OGA: variants seen among roughly 807,000 people sequenced by gnomAD.
OGA encodes O-GlcNAcase, also known as protein O-GlcNAcase.
In OGA, 21 loss-of-function variants were observed where a neutral mutation model predicts 102.0. That is an observed-to-expected ratio of 0.21 (90% confidence interval 0.15 to 0.30). The LOEUF (loss-of-function observed/expected upper bound fraction) is 0.30. Among genes scored for constraint, OGA ranks in the 10% least tolerant of loss-of-function variants. The pLI is 1.00. For missense variants in OGA, 765 were observed against 1,107.8 expected (o/e 0.69, Z 4.39); for synonymous variants, 408 against 378.2 (o/e 1.08, Z -0.91).
chr10:101,817,612 G>C (rs1450382854), intron 1 of OGA, among the ~76,000 whole-genome samples: 1 of 152,174 alleles, frequency 6.6e-6, no homozygotes, highest in East Asian at 1.9e-4. Context: ...GGTGGGGTCA[G>C]ACTTGTGAGT....
At position 101,785,823 on chromosome 10, in the gene OGA, C is replaced by T. The variant is rs1282540257; in HGVS notation, c.*628G>A. On this transcript the variant is annotated 3_prime_UTR_variant, in exon 16 of 16. Coordinates refer to ENST00000361464, the MANE Select transcript of OGA (RefSeq NM_012215.5). The stretch of plus-strand genomic sequence containing the variant: ...AAGTTTGTCAATTGTAGGCTTTTGC[C>T]ACAAACAAATGCACATTTGTCCCTA... 3 of 152,252 alleles carry T rather than the reference C, an allele frequency of 2.0e-5. No individual in the cohort carries two copies. The highest frequency in any genetic ancestry group is 7.2e-5 in the African/African-American group (3 of 41,448). The allele number at this position is 152,252 out of a possible 1,614,324, so 9.4% of individuals were successfully genotyped here.
At chr10:101,815,930 G>A (rs904063140) in intron 1 of OGA, among the ~76,000 whole-genome samples, 28 of 135,586 alleles carry the variant, frequency 2.1e-4, no homozygotes, top group African/African-American at 6.7e-4. Context: ...TTCATTTTAC[G>A]GCTGGTGCCA....
At chr10:101,807,613 T>C in intron 5 of OGA, 117 bp downstream of exon 5, 2 of 716,182 alleles carry the variant, frequency 2.8e-6, no homozygotes. Context: ...TAAAAAAAGA[T>C]TCCTACTTTT....
chr10:101,818,310 A>C lies in OGA; in HGVS notation c.-288T>G, dbSNP rs2065670080. 8.3e-7 allele frequency: 1 copy of C among 1,207,896 alleles called. No homozygotes were observed. The highest frequency in any genetic ancestry group is 1.0e-6 in the Non-Finnish European group (1 of 967,624). The allele number at this position is 1,207,896 out of a possible 1,614,324, so 74.8% of individuals were successfully genotyped here. A position where few individuals can be genotyped will look rare whatever the true frequency, so the allele number is the denominator to read the frequency against. On this transcript the variant is annotated 5_prime_UTR_variant, in exon 1 of 16. Coordinates refer to ENST00000361464, the MANE Select transcript of OGA (RefSeq NM_012215.5). ...CTGTGACCTCTCGTTCCCTGGAAGA[A>C]GACGGCCAAGGGTCCTGTCCTCGTT...
intron 10 of OGA, among the ~76,000 whole-genome samples, chr10:101,794,444 G>A (rs1359307783): frequency 3.9e-5 from 6 of 152,172 alleles, no homozygotes. Flanking sequence ...GTACAGGTAA[G>A]GGAAAAGGGC....
chr10:101,799,424 T>A lies in OGA; in HGVS notation c.1227A>T (p.Ala409=), dbSNP rs1478514607. ...SRQVAHSGAK[A]SVVDGTPLVA... ...CTAAAGGAGTCCCATCAACTACACT[T>A]GCTTTAGCTCCACTGTGTGCAACTT... The change falls in exon 9 of 16, where the codon GCA becomes GCT. Residue 409 remains alanine, a synonymous_variant. Transcript: ENST00000361464. The A allele has an allele frequency of 6.2e-7, 1 of 1,613,850 alleles. No individual in the cohort carries two copies. Among genetic ancestry groups the A allele is most frequent in the Admixed American group, 1.7e-5 (1 of 59,980 alleles).
chr10:101,817,795 C>A, intron 1 of OGA, 29 bp downstream of exon 1: 1 of 1,535,074 alleles, frequency 6.5e-7, no homozygotes, highest in South Asian at 1.2e-5. Context: ...GTGTTAGTGC[C>A]AAAACGGGGA....
At chr10:101,801,347 G>A (rs989456119) in intron 7 of OGA, among the ~76,000 whole-genome samples, 13 of 151,060 alleles carry the variant, frequency 8.6e-5, no homozygotes, top group African/African-American at 2.9e-4. Context: ...AGCTGAGATC[G>A]GGCCATTGCA....
intron 11 of OGA, among the ~76,000 whole-genome samples, chr10:101,793,307 G>T (rs942503331): frequency 1.3e-5 from 2 of 152,208 alleles, no homozygotes; most frequent in Non-Finnish European, 2.9e-5. Context: ...AGAATGTCAG[G>T]AGGAGAGGTT....
chr10:101,807,853 C>G lies in OGA; in HGVS notation c.529G>C (p.Asp177His). Residue 177 changes from aspartate to histidine, a missense_variant, in exon 5 of 16, where the codon GAC (aspartate) becomes CAC (histidine). Asp to His is a moderately conservative substitution (Grantham distance 81). Coordinates refer to ENST00000361464, the MANE Select transcript of OGA (RefSeq NM_012215.5). ...RSFALLFDDI[D>H]HNMCAADKEV... ...TTGTCTGCTGCACACATATTATGGT[C>G]TATATCATCAAAAAGCAAAGCAAAT... The G allele has an allele frequency of 1.3e-6, 2 of 1,596,630 alleles. No homozygotes were observed. The highest frequency in any genetic ancestry group is 2.3e-5 in the East Asian group (1 of 44,246).
chr10:101,793,039 G>C, intron 11 of OGA, 96 bp from the exon 12 acceptor site: 2 of 884,224 alleles, frequency 2.3e-6, no homozygotes. Context: ...ATATTAACTG[G>C]CTACTGCAGG....
Position 101,818,433 on chromosome 10 carries a change from C to T in OGA, c.-411G>A, listed in dbSNP as rs1274157718. ...TGCTGCTGCCTCCACCGCCCGCTTCCTGTTTATCCGCACTGCGCTTGCGCT... is the reference window on the plus strand; with the variant it reads ...TGCTGCTGCCTCCACCGCCCGCTTCTTGTTTATCCGCACTGCGCTTGCGCT... On this transcript the variant is annotated 5_prime_UTR_variant, in exon 1 of 16. Transcript: ENST00000361464. 1.9e-5 allele frequency: 19 copies of T among 1,008,894 alleles called. No individual in the cohort carries two copies. The highest frequency in any genetic ancestry group is 2.0e-5 in the Non-Finnish European group (17 of 844,734). 62.5% of individuals were successfully genotyped at this position (1,008,894 alleles called of 1,614,324 possible).
rs1411193757 is a variant in OGA, at chr10:101,786,507, T to C, written c.2695A>G (p.Ile899Val). The C allele has an allele frequency of 3.1e-6, 5 of 1,612,706 alleles. No homozygotes were observed. The change falls in exon 16 of 16, where the codon ATT becomes GTT. Residue 899 changes from isoleucine (I) to valine (V), a missense_variant. Transcript: ENST00000361464. ...TTTGGAAATCCTTCCATTTTTGCAA[T>C]TTCAAAACATCCTAACTTGCTGTAA... ...EFYSKLGCFEIAKMEGFPKDV... is the reference protein window; with the variant it reads ...EFYSKLGCFEVAKMEGFPKDV...
intron 11 of OGA, chr10:101,793,628 T>C (rs1564641086): frequency 3.7e-6 from 1 of 272,688 alleles, no homozygotes; most frequent in Non-Finnish European, 7.1e-6. Flanking sequence ...GCATTGTGCA[T>C]TGCGGGCGCA....
Position 101,787,298 on chromosome 10 carries a change from T to C in OGA, c.2614+66A>G, listed in dbSNP as rs896164566. On this transcript the variant is annotated intron_variant, in intron 15 of 15. Transcript: ENST00000361464. ...TACAATTCACTTCTTTCCTTTTATA[T>C]CCAAAAATATATAGTTCTTTCCCTA... The C allele has an allele frequency of 1.0e-5, 15 of 1,438,694 alleles. No individual in the cohort carries two copies. The East Asian group carries it at 2.8e-4, about 27-fold the overall frequency. 89.1% of individuals were successfully genotyped at this position (1,438,694 alleles called of 1,614,324 possible).
Position 101,818,276 on chromosome 10 carries a change from A to G in OGA, c.-254T>C. 1 of 1,282,638 alleles carries G rather than the reference A, an allele frequency of 7.8e-7. No homozygotes were observed. The allele number at this position is 1,282,638 out of a possible 1,614,324, so 79.5% of individuals were successfully genotyped here. A position where few individuals can be genotyped will look rare whatever the true frequency, so the allele number is the denominator to read the frequency against. ...GCTGGGGCGCCAGAAGCCTAAGCGG[A>G]GAGCGAGGCTGTGACCTCTCGTTCC... is the stretch of plus-strand genomic sequence containing the variant. On this transcript the variant is annotated 5_prime_UTR_variant, in exon 1 of 16. Coordinates refer to ENST00000361464, the MANE Select transcript of OGA (RefSeq NM_012215.5).
chr10:101,818,257 G>C lies in OGA; in HGVS notation c.-235C>G. 2 of 1,314,450 alleles carry C rather than the reference G, an allele frequency of 1.5e-6. No homozygotes were observed. The highest frequency in any genetic ancestry group is 1.9e-6 in the Non-Finnish European group (2 of 1,033,438). 81.4% of individuals were successfully genotyped at this position (1,314,450 alleles called of 1,614,324 possible). On this transcript the variant is annotated 5_prime_UTR_variant, in exon 1 of 16. Transcript: ENST00000361464. The stretch of plus-strand genomic sequence containing the variant: ...GCCGCAGCCTCGGCTTTAAGCTGGG[G>C]CGCCAGAAGCCTAAGCGGAGAGCGA...
Position 101,799,463 on chromosome 10 carries a change from A to G in OGA, c.1196-8T>C. 6.2e-7 allele frequency: 1 copy of G among 1,600,416 alleles called. No individual in the cohort carries two copies. Among genetic ancestry groups the G allele is most frequent in the Non-Finnish European group, 8.5e-7 (1 of 1,172,466 alleles). On this transcript the variant is annotated splice_polypyrimidine_tract_variant and splice_region_variant and intron_variant, in intron 8 of 15. Coordinates refer to ENST00000361464, the MANE Select transcript of OGA (RefSeq NM_012215.5). Reference sequence around the variant, plus strand: ...TGTGTGCAACTTGCCTACCTACAAAAATAAATAAATGTATAAATAAAATGG... The same window carrying G: ...TGTGTGCAACTTGCCTACCTACAAAGATAAATAAATGTATAAATAAAATGG...
At chr10:101,802,936 C>T (rs573850896) in intron 7 of OGA, among the ~76,000 whole-genome samples, 6 of 138,540 alleles carry the variant, frequency 4.3e-5, no homozygotes, top group Admixed American at 7.8e-5. Flanking sequence ...GTCAGGAGTT[C>T]GAGACCAGTC....
Sources: allele counts gnomAD v4.1 joint callset (sites outside exome capture counted in the v4.1 genomes callset), GRCh38; gene constraint gnomAD v4.1.1; transcripts MANE v1.5; gene names NCBI Gene and HGNC (gene_info 2026-07-23, HGNC 2026-07-21).